THSD7A: variants seen among roughly 807,000 people sequenced by gnomAD.
THSD7A encodes the protein thrombospondin type-1 domain-containing protein 7A.
THSD7A carries 96 observed loss-of-function variants against 231.3 expected under a neutral mutation model. That is an observed-to-expected ratio of 0.41 (90% CI 0.35 to 0.49). The LOEUF is 0.49. Among genes scored for constraint, THSD7A ranks in the 20% least tolerant of loss-of-function variants. The pLI, the probability that THSD7A is intolerant of heterozygous loss-of-function variation, is 0.05. For synonymous variants in THSD7A, 940 were observed against 743.3 expected (o/e 1.26, Z -4.30); for missense variants, 2,290 against 2,070.2 (o/e 1.11, Z -2.06).
At chr7:11,466,768 C>G (rs1169369573) in intron 9 of THSD7A, among the ~76,000 whole-genome samples, 1 of 152,060 alleles carries the variant, frequency 6.6e-6, no homozygotes, top group African/African-American at 2.4e-5. Context: ...AGCCGATTCC[C>G]GAGTTGGCAT....
intron 1 of THSD7A, among the ~76,000 whole-genome samples, chr7:11,697,213 C>T (rs962898255): frequency 6.6e-6 from 1 of 151,366 alleles, no homozygotes; most frequent in African/African-American, 2.4e-5. Flanking sequence ...CATTGGCCAA[C>T]CTGTCTTTGG....
chr7:11,442,123 G>A (rs1394052668), intron 13 of THSD7A, among the ~76,000 whole-genome samples: 1 of 151,898 alleles, frequency 6.6e-6, no homozygotes, highest in Non-Finnish European at 1.5e-5. Flanking sequence ...TATCATTTGT[G>A]CAGTGACTAT....
intron 8 of THSD7A, 25 bp from the exon 9 acceptor site, chr7:11,470,019 A>G: frequency 7.0e-7 from 1 of 1,422,594 alleles, no homozygotes; most frequent in Non-Finnish European, 9.7e-7. Context: ...GGGAATTATT[A>G]GGCTTCAATA....
intron 1 of THSD7A, among the ~76,000 whole-genome samples, chr7:11,720,903 T>C (rs982349510): frequency 6.6e-6 from 1 of 151,746 alleles, no homozygotes; most frequent in Non-Finnish European, 1.5e-5. Context: ...CCTTCTACTC[T>C]ACCCACCCCT....
At chr7:11,654,566 CTTGT>C (rs1456501936) in intron 1 of THSD7A, among the ~76,000 whole-genome samples, 2 of 151,888 alleles carry the variant, frequency 1.3e-5, no homozygotes, top group African/African-American at 4.8e-5. Flanking sequence ...TCTATACATA[CTTGT>C]TTGTGTATGG....
Position 11,831,954 on chromosome 7 carries a change from G to A in THSD7A, c.-8C>T, listed in dbSNP as rs1028777291. 1.3e-5 allele frequency: 16 copies of A among 1,231,424 alleles called. No homozygotes were observed. The African/African-American group carries it at 2.5e-4, about 19-fold the overall frequency. 76.3% of individuals were successfully genotyped at this position (1,231,424 alleles called of 1,614,324 possible). A position where few individuals can be genotyped will look rare whatever the true frequency, so the allele number is the denominator to read the frequency against. ...CCTGGCTTGCAGCCCCATGCCGCCT[G>A]CAGCCACTCCAGGGTCCAGAGCCGT... is the stretch of plus-strand genomic sequence containing the variant. On this transcript the variant is annotated 5_prime_UTR_variant, in exon 1 of 28. Transcript: ENST00000423059. This position sits in a 1 kb window ranked among gnomAD's most constrained non-coding sequence, Gnocchi z 5.0.
At chr7:11,713,571 G>A (rs1016848373) in intron 1 of THSD7A, among the ~76,000 whole-genome samples, 2 of 151,302 alleles carry the variant, frequency 1.3e-5, no homozygotes, top group South Asian at 2.1e-4. Flanking sequence ...GTAAAAGTCC[G>A]AACTTTATTG....
rs1785216719 is a variant in THSD7A, at chr7:11,832,111, T to C, written c.-165A>G. On this transcript the variant is annotated 5_prime_UTR_variant, in exon 1 of 28. Transcript: ENST00000423059. ...GAGCGCGTCTAACACCAGGGAACAA[T>C]AGCGTCCGCGGTGGTGGCCGTGGCC... is the stretch of plus-strand genomic sequence containing the variant. The C allele has an allele frequency of 4.9e-6, 2 of 411,218 alleles. No homozygotes were observed. The highest frequency in any genetic ancestry group is 7.8e-6 in the Non-Finnish European group (2 of 257,892). 25.5% of individuals were successfully genotyped at this position (411,218 alleles called of 1,614,324 possible).
intron 20 of THSD7A, 73 bp downstream of exon 20, chr7:11,407,233 G>T: frequency 1.4e-6 from 2 of 1,451,214 alleles, no homozygotes; most frequent in South Asian, 1.2e-5. Flanking sequence ...TTTGATATGG[G>T]TTAAAGCAAG....
intron 3 of THSD7A, among the ~76,000 whole-genome samples, chr7:11,592,745 T>C (rs73676037): frequency 0.016 from 2,454 of 152,328 alleles, 74 homozygotes; most frequent in African/African-American, 0.056. Flanking sequence ...ATAGGATTTG[T>C]TATACAAAGT....
At chr7:11,420,849 G>T (rs1784120505) in intron 16 of THSD7A, among the ~76,000 whole-genome samples, 1 of 152,142 alleles carries the variant, frequency 6.6e-6, no homozygotes, top group Admixed American at 6.5e-5. Flanking sequence ...TGTCCTGGAT[G>T]TGAGACACAG....
chr7:11,665,100 A>G (rs973514110), intron 1 of THSD7A, among the ~76,000 whole-genome samples: 6 of 152,084 alleles, frequency 3.9e-5, no homozygotes, highest in African/African-American at 1.4e-4. Flanking sequence ...TCTTGATGGC[A>G]TAGGCATGTT....
intron 19 of THSD7A, among the ~76,000 whole-genome samples, chr7:11,410,209 G>A (rs78642856): frequency 0.035 from 5,363 of 152,268 alleles, 335 homozygotes; most frequent in African/African-American, 0.12. Context: ...ACAAATTTGT[G>A]TTTTCAACAC....
chr7:11,729,469 C>G (rs943588963), intron 1 of THSD7A, among the ~76,000 whole-genome samples: 1 of 151,684 alleles, frequency 6.6e-6, no homozygotes, highest in Non-Finnish European at 1.5e-5. Context: ...AGAAAGGCCC[C>G]AACTGCTACA....
intron 7 of THSD7A, 100 bp downstream of exon 7, chr7:11,481,688 T>C: frequency 1.6e-6 from 2 of 1,252,140 alleles, no homozygotes; most frequent in Non-Finnish European, 2.2e-6. Flanking sequence ...AATTTCTGGT[T>C]GTTGACTTTC....
At chr7:11,569,766 A>G (rs1408937773) in intron 4 of THSD7A, among the ~76,000 whole-genome samples, 2 of 152,228 alleles carry the variant, frequency 1.3e-5, no homozygotes, top group African/African-American at 4.8e-5. Context: ...AAGATTTGGA[A>G]TTAACCTAGG....
intron 1 of THSD7A, among the ~76,000 whole-genome samples, chr7:11,788,398 G>C (rs910025529): frequency 4.0e-5 from 6 of 151,830 alleles, no homozygotes; most frequent in African/African-American, 1.2e-4. Flanking sequence ...ATCCTCCCAG[G>C]TTTATATTTC....
intron 8 of THSD7A, among the ~76,000 whole-genome samples, chr7:11,472,214 T>C (rs1014802635): frequency 4.6e-5 from 7 of 152,172 alleles, no homozygotes; most frequent in African/African-American, 1.4e-4. Context: ...GTACTGTTTG[T>C]ATTTAGTGTT....
intron 1 of THSD7A, among the ~76,000 whole-genome samples, chr7:11,669,047 AT>A (rs1240291597): frequency 2.0e-5 from 3 of 152,158 alleles, no homozygotes; most frequent in Admixed American, 6.6e-5. Context: ...AGTTCAAACT[AT>A]TTATTACTTA....
Sources: gnomAD v4.1 joint callset for allele counts (sites outside exome capture counted in the v4.1 genomes callset) on GRCh38, gnomAD v4.1.1 for gene constraint, Gnocchi (gnomAD v3.1) non-coding constraint, MANE v1.5 for transcripts, NCBI Gene and HGNC (gene_info 2026-07-23, HGNC 2026-07-21) for gene names.